Variants in CNTN5 observed in about 807,000 individuals in gnomAD.
CNTN5 encodes the protein contactin-5.
Under a neutral mutation model 129.1 loss-of-function variants are expected in CNTN5, and 77 were observed. The ratio of observed to expected loss-of-function variants is 0.60; its 90% CI spans 0.50 to 0.72. CNTN5 has a LOEUF of 0.72. Ranked by LOEUF, CNTN5 falls within the 30% of genes least tolerant of loss-of-function variation. The probability of loss-of-function intolerance (pLI) is 0.00; values close to 1 mark genes in which losing one functional copy is unlikely to be tolerated. For synonymous variants in CNTN5, 509 were observed against 465.6 expected, an observed-to-expected ratio of 1.09 and a Z score of -1.20; for missense variants, 1,478 against 1,328.8, an observed-to-expected ratio of 1.11 and a Z score of -1.75.
At chr11:99,425,791 T>C (rs114571024) in intron 2 of CNTN5, among the ~76,000 whole-genome samples, 7,673 of 152,230 alleles carry the variant, frequency 0.05, 609 homozygotes, top group African/African-American at 0.17. Context: ...GCCAGCTCAG[T>C]AGGGGCATGG....
chr11:99,599,342 C>G (rs1950242684), intron 3 of CNTN5, among the ~76,000 whole-genome samples: 1 of 151,950 alleles, frequency 6.6e-6, no homozygotes, highest in Non-Finnish European at 1.5e-5. Context: ...GAACGATTTT[C>G]TGAGAGATTT....
chr11:99,912,554 A>G (rs1424036726), intron 6 of CNTN5, among the ~76,000 whole-genome samples: 1 of 152,086 alleles, frequency 6.6e-6, no homozygotes, highest in South Asian at 2.1e-4. Context: ...TTCATTTTAC[A>G]TCTGATCAAT....
rs117092281 is a variant in CNTN5, at chr11:100,088,779, T to C, written c.1580+14485T>C. Among the ~76,000 whole-genome samples the C allele has an allele frequency of 4.3e-3, 657 of 152,148 alleles. 5 individuals carry two copies. Among genetic ancestry groups the C allele is most frequent in the Non-Finnish European group, 5.3e-3 (357 of 67,950 alleles). ...AACCAAAAAACACTGAGGACCAGAT[T>C]AGTTCACTGACAAATTCTACCAAAC... On this transcript the variant is annotated intron_variant, in intron 13 of 24. Coordinates refer to ENST00000524871, the MANE Select transcript of CNTN5 (RefSeq NM_014361.4).
intron 9 of CNTN5, among the ~76,000 whole-genome samples, chr11:100,015,840 A>G (rs1235716557): frequency 2.6e-5 from 4 of 152,126 alleles, no homozygotes; most frequent in African/African-American, 4.8e-5. Context: ...AGATTATTCA[A>G]TAGGAATCCT....
At chr11:99,273,667 T>C (rs1367237445) in intron 1 of CNTN5, among the ~76,000 whole-genome samples, 5 of 151,808 alleles carry the variant, frequency 3.3e-5, no homozygotes, top group African/African-American at 1.2e-4. Flanking sequence ...AAATTTGGGA[T>C]AATTGAGAAA....
intron 3 of CNTN5, among the ~76,000 whole-genome samples, chr11:99,747,381 C>T (rs538836423): frequency 2.0e-5 from 3 of 151,604 alleles, no homozygotes; most frequent in South Asian, 4.2e-4. Flanking sequence ...ACTTCTTTTC[C>T]AATTCGAATA....
chr11:99,896,998 A>G (rs1455800137), intron 6 of CNTN5, among the ~76,000 whole-genome samples: 2 of 152,152 alleles, frequency 1.3e-5, no homozygotes, highest in Non-Finnish European at 2.9e-5. Flanking sequence ...TGACCCGGGT[A>G]CCAGCCCATC....
At chr11:99,993,513 C>A (rs547143876) in intron 8 of CNTN5, among the ~76,000 whole-genome samples, 8 of 152,128 alleles carry the variant, frequency 5.3e-5, no homozygotes, top group Non-Finnish European at 1.2e-4. Context: ...GAAACTTTTC[C>A]ACCTCAGACC....
intron 2 of CNTN5, among the ~76,000 whole-genome samples, chr11:99,498,844 A>G (rs1946325115): frequency 6.6e-6 from 1 of 152,178 alleles, no homozygotes; most frequent in Admixed American, 6.5e-5. Flanking sequence ...AGTGTGTGAG[A>G]TCCAAAACCA....
At chr11:99,477,643 T>G (rs1017753970) in intron 2 of CNTN5, among the ~76,000 whole-genome samples, 2 of 151,606 alleles carry the variant, frequency 1.3e-5, no homozygotes, top group Non-Finnish European at 2.9e-5. Context: ...AAAATAAAAA[T>G]AATAACCCTT....
At chr11:100,175,289 T>C (rs759410587) in intron 13 of CNTN5, among the ~76,000 whole-genome samples, 7 of 152,134 alleles carry the variant, frequency 4.6e-5, no homozygotes, top group Non-Finnish European at 1.0e-4. Flanking sequence ...TTCCTTTTCC[T>C]GTATTAAATG....
intron 3 of CNTN5, among the ~76,000 whole-genome samples, chr11:99,723,942 C>T (rs1332961347): frequency 2.0e-5 from 3 of 152,162 alleles, no homozygotes; most frequent in Non-Finnish European, 4.4e-5. Flanking sequence ...CCAAGTCAGT[C>T]TAATCTAAAG....
intron 2 of CNTN5, among the ~76,000 whole-genome samples, chr11:99,515,636 G>T (rs7945778): frequency 6.6e-6 from 1 of 151,920 alleles, no homozygotes; most frequent in African/African-American, 2.4e-5. Context: ...TGCCTTAATT[G>T]TCCCCTCAAT....
At chr11:99,402,129 G>T (rs1941844255) in intron 2 of CNTN5, among the ~76,000 whole-genome samples, 1 of 152,116 alleles carries the variant, frequency 6.6e-6, no homozygotes, top group Admixed American at 6.5e-5. Context: ...ATCATAGTGA[G>T]GATTGTTGTC....
intron 6 of CNTN5, among the ~76,000 whole-genome samples, chr11:99,846,917 T>C (rs1462751050): frequency 6.6e-6 from 1 of 152,202 alleles, no homozygotes; most frequent in African/African-American, 2.4e-5. Flanking sequence ...CTAAATAGAT[T>C]CTTTTTTATT....
chr11:100,019,312 T>C (rs1026058507), intron 9 of CNTN5, among the ~76,000 whole-genome samples: 3 of 151,968 alleles, frequency 2.0e-5, no homozygotes, highest in Admixed American at 6.6e-5. Context: ...TTTGAATTAA[T>C]TTTTGTATGA....
At chr11:100,254,387 C>G (rs555511790) in intron 16 of CNTN5, among the ~76,000 whole-genome samples, 11 of 152,172 alleles carry the variant, frequency 7.2e-5, no homozygotes, top group Non-Finnish European at 1.6e-4. Context: ...AACGTTTCCC[C>G]TTACCATCTC....
At chr11:99,737,787 A>G (rs953547342) in intron 3 of CNTN5, among the ~76,000 whole-genome samples, 6 of 152,126 alleles carry the variant, frequency 3.9e-5, no homozygotes, top group African/African-American at 1.2e-4. Flanking sequence ...TAGATTTGTT[A>G]CTCGACTAAG....
chr11:100,067,410 A>G (rs1485495631), intron 10 of CNTN5, among the ~76,000 whole-genome samples: 1 of 151,498 alleles, frequency 6.6e-6, no homozygotes, highest in Admixed American at 6.6e-5. Flanking sequence ...CAAGCAGGCT[A>G]TATATACTAA....
Sources: gnomAD v4.1 joint callset for allele counts (sites outside exome capture counted in the v4.1 genomes callset) on GRCh38, gnomAD v4.1.1 for gene constraint, MANE v1.5 for transcripts, NCBI Gene and HGNC (gene_info 2026-07-23, HGNC 2026-07-21) for gene names.